Variants in PAN3 observed in about 807,000 individuals in gnomAD.
PAN3 encodes the protein PAN2-PAN3 deadenylation complex subunit PAN3.
A neutral mutation model predicts 96.2 loss-of-function variants in PAN3; 19 were observed. The ratio of observed to expected loss-of-function variants is 0.20; its 90% CI spans 0.14 to 0.29. The LOEUF is 0.29. PAN3 is among the 10% of genes least tolerant of loss of function. The probability of loss-of-function intolerance (pLI) is 1.00; values close to 1 mark genes in which losing one functional copy is unlikely to be tolerated. For synonymous variants in PAN3, 433 were observed against 406.6 expected (o/e 1.06, Z -0.78); for missense variants, 882 against 1,108.1 (o/e 0.80, Z 2.90).
chr13:28,188,075 A>G (rs915421698), intron 4 of PAN3, among the ~76,000 whole-genome samples: 9 of 152,238 alleles, frequency 5.9e-5, no homozygotes, highest in Non-Finnish European at 8.8e-5. Context: ...AAATAGTAGT[A>G]TACAAATGTG....
intron 6 of PAN3, among the ~76,000 whole-genome samples, chr13:28,226,891 A>C (rs1882058531): frequency 1.3e-5 from 2 of 152,228 alleles, no homozygotes; most frequent in African/African-American, 4.8e-5. Context: ...GATTCATTCA[A>C]ATCTTTCCAA....
At chr13:28,292,331 ATTCTT>A (rs1869860012) in intron 18 of PAN3, 46 bp from the exon 19 acceptor site, 1 of 1,487,980 alleles carries the variant, frequency 6.7e-7, no homozygotes, top group Non-Finnish European at 9.0e-7. Flanking sequence ...ACGTAGATAA[ATTCTT>A]TTCTGCATGT....
intron 5 of PAN3, among the ~76,000 whole-genome samples, chr13:28,218,115 A>G (rs1490829331): frequency 3.3e-5 from 5 of 152,082 alleles, no homozygotes; most frequent in Non-Finnish European, 5.9e-5. Flanking sequence ...GTTTTAAAAA[A>G]AGATTTATAT....
At chr13:28,272,998 C>T (rs9319424) in intron 14 of PAN3, among the ~76,000 whole-genome samples, 70,233 of 152,114 alleles carry the variant, frequency 0.46, 19,850 homozygotes, top group Admixed American at 0.62. Context: ...AAATGACACC[C>T]TTCTTTTTCA....
intron 6 of PAN3, among the ~76,000 whole-genome samples, chr13:28,233,749 T>A (rs1250795623): frequency 2.0e-5 from 3 of 152,232 alleles, no homozygotes; most frequent in Non-Finnish European, 4.4e-5. Context: ...AAAAGGCTTT[T>A]ATAATTTCAC....
At chr13:28,234,061 A>C (rs2138454865) in intron 6 of PAN3, among the ~76,000 whole-genome samples, 1 of 152,270 alleles carries the variant, frequency 6.6e-6, no homozygotes, top group East Asian at 1.9e-4. Context: ...AAAGCCTTTC[A>C]GGTATTGTGA....
chr13:28,228,563 A>G (rs893312459), intron 6 of PAN3, among the ~76,000 whole-genome samples: 8 of 152,210 alleles, frequency 5.3e-5, no homozygotes, highest in African/African-American at 1.9e-4. Context: ...GCACTTTTCT[A>G]TATTTTACAT....
chr13:28,156,646 T>A (rs1182041848), intron 1 of PAN3, among the ~76,000 whole-genome samples: 2 of 151,998 alleles, frequency 1.3e-5, no homozygotes, highest in Non-Finnish European at 2.9e-5. Context: ...TAAACATAGA[T>A]GCAAAAATCT....
Position 28,138,887 on chromosome 13 carries a change from C to T in PAN3, c.230C>T (p.Pro77Leu). 2 of 1,409,790 alleles carry T rather than the reference C, an allele frequency of 1.4e-6. No individual in the cohort carries two copies. Among genetic ancestry groups the T allele is most frequent in the South Asian group, 1.6e-5 (1 of 61,240 alleles). 87.3% of individuals were successfully genotyped at this position (1,409,790 alleles called of 1,614,324 possible). A position where few individuals can be genotyped will look rare whatever the true frequency, so the allele number is the denominator to read the frequency against. ...GAGGACCCTGCCGCCGGGGCTGCCC[C>T]GGGCCTCGGCCTCCATAGCAACAGC... ...LHEDPAAGAA[P>L]GLGLHSNSVP... The change falls in exon 1 of 19, where the codon CCG becomes CTG. Residue 77 changes from proline to leucine, a missense_variant. Coordinates refer to ENST00000380958, the MANE Select transcript of PAN3 (RefSeq NM_175854.8).
chr13:28,263,847 T>C (rs894898606), intron 9 of PAN3, among the ~76,000 whole-genome samples: 1 of 151,934 alleles, frequency 6.6e-6, no homozygotes, highest in African/African-American at 2.4e-5. Context: ...TGATAAAATA[T>C]TTAAAATTTT....
chr13:28,277,079 T>C (rs963187963), intron 14 of PAN3, among the ~76,000 whole-genome samples, 158 bp from the exon 15 acceptor site: 5 of 152,200 alleles, frequency 3.3e-5, no homozygotes, highest in African/African-American at 1.2e-4. Flanking sequence ...GTCGTCTTTT[T>C]AATAAGCTCC....
At chr13:28,154,743 ACTTTAGCCTC>A (rs2137989970) in intron 1 of PAN3, among the ~76,000 whole-genome samples, 1 of 149,686 alleles carries the variant, frequency 6.7e-6, no homozygotes, top group East Asian at 2.0e-4. Context: ...CAATCCACCC[ACTTTAGCCTC>A]CCAAAGTGCT....
chr13:28,139,514 T>TTTTGTGTG (rs1869355558), intron 1 of PAN3, among the ~76,000 whole-genome samples: 2 of 93,134 alleles, frequency 2.1e-5, no homozygotes, highest in African/African-American at 1.0e-4. Flanking sequence ...AGGGGTGTGT[T>TTTTGTGTG]TGTGTGTGTG....
At chr13:28,271,252 T>C (rs965922056) in intron 13 of PAN3, among the ~76,000 whole-genome samples, 4 of 152,190 alleles carry the variant, frequency 2.6e-5, no homozygotes, top group South Asian at 2.1e-4. Flanking sequence ...TAAGTCTGCA[T>C]TGGGGCCTAA....
At chr13:28,250,614 G>A (rs190679547) in intron 6 of PAN3, among the ~76,000 whole-genome samples, 1 of 152,060 alleles carries the variant, frequency 6.6e-6, no homozygotes, top group Non-Finnish European at 1.5e-5. Context: ...TGACCCACCC[G>A]CCTCGGCCTC....
intron 6 of PAN3, among the ~76,000 whole-genome samples, chr13:28,220,645 A>G (rs1009466487): frequency 6.6e-6 from 1 of 152,168 alleles, no homozygotes. Flanking sequence ...TTAGGAAAAA[A>G]TCTATCTTTT....
intron 1 of PAN3, among the ~76,000 whole-genome samples, chr13:28,148,702 A>G (rs1003514195): frequency 2.6e-5 from 4 of 152,130 alleles, no homozygotes; most frequent in African/African-American, 9.7e-5. Context: ...ATATTTCTCT[A>G]TGTCTAACAC....
intron 4 of PAN3, among the ~76,000 whole-genome samples, chr13:28,194,174 C>A (rs1228649833): frequency 2.0e-5 from 3 of 149,474 alleles, no homozygotes; most frequent in Non-Finnish European, 3.0e-5. Flanking sequence ...GAGACACTGT[C>A]TCAAAAAAAA....
chr13:28,151,581 C>G (rs1157249087), intron 1 of PAN3, among the ~76,000 whole-genome samples: 1 of 151,710 alleles, frequency 6.6e-6, no homozygotes, highest in African/African-American at 2.4e-5. Flanking sequence ...AGTAATCCAG[C>G]AAGAGATGAT....
Sources: gnomAD v4.1 joint callset for allele counts (sites outside exome capture counted in the v4.1 genomes callset) on GRCh38, gnomAD v4.1.1 for gene constraint, MANE v1.5 for transcripts, NCBI Gene and HGNC (gene_info 2026-07-23, HGNC 2026-07-21) for gene names.